The following NPNT variants were observed in gnomAD, a reference collection of about 807,000 sequenced individuals.
NPNT encodes the protein preosteoblast EGF-like repeat protein with MAM domain.
NPNT carries 45 observed loss-of-function variants against 68.6 expected under a neutral mutation model. That is an observed-to-expected ratio of 0.66 (90% CI 0.52 to 0.84). NPNT has a LOEUF of 0.84. Ranked by LOEUF, NPNT falls within the 40% of genes least tolerant of loss-of-function variation. The pLI is 0.00. For missense variants in NPNT, 672 were observed against 714.8 expected (o/e 0.94, Z 0.68); for synonymous variants, 233 against 253.3 (o/e 0.92, Z 0.76).
Position 105,959,053 on chromosome 4 carries a change from T to C in NPNT, c.1272T>C (p.Phe424=), listed in dbSNP as rs745612647. 21 of 1,612,538 alleles carry C rather than the reference T, an allele frequency of 1.3e-5. No homozygotes were observed. The highest frequency in any genetic ancestry group is 1.8e-5 in the Non-Finnish European group (21 of 1,178,664). Residue 424 remains phenylalanine, a synonymous_variant, in exon 10 of 12, where the codon TTT becomes TTC. Transcript: ENST00000379987. ...DPGVLVHSCN[F]DHGLCGWIRE... ...GTGTTCTGGTACACAGTTGTAATTT[T>C]GACCATGGACTTTGTGGATGGATCA...
At chr4:105,929,205 A>T (rs80132877) in intron 3 of NPNT, among the ~76,000 whole-genome samples, 3,511 of 151,634 alleles carry the variant, frequency 0.023, 127 homozygotes, top group African/African-American at 0.08. Flanking sequence ...TGCAGTGTTT[A>T]GTTTTCTGTT....
At chr4:105,959,368 CA>C (rs1169908543) in intron 10 of NPNT, among the ~76,000 whole-genome samples, 1 of 152,108 alleles carries the variant, frequency 6.6e-6, no homozygotes, top group Non-Finnish European at 1.5e-5. Context: ...TAATTTCTCT[CA>C]AAAAGCTTGA....
rs35898642 is a variant in NPNT at position 105,960,761 on chromosome 4, C to CGTGTGTGTGT, written c.1345+1648_1345+1657dup. On this transcript the variant is annotated intron_variant, in intron 10 of 11. Transcript: ENST00000379987. Reference sequence around the variant, plus strand: ...AATAAGAGAGAAACCAACATATCTACGTGTGTGTGTGTGTGTGTGTGTATA... The same window carrying CGTGTGTGTGT: ...AATAAGAGAGAAACCAACATATCTACGTGTGTGTGTGTGTGTGTGTGTGTGTGTGTGTATA... 2.6e-3 allele frequency among the ~76,000 whole-genome samples: 393 copies of CGTGTGTGTGT among 149,204 alleles called. 1 individual carries two copies. The highest frequency in any genetic ancestry group is 9.1e-3 in the African/African-American group (371 of 40,804).
intron 3 of NPNT, among the ~76,000 whole-genome samples, chr4:105,935,693 C>A (rs909143076): frequency 6.6e-6 from 1 of 152,098 alleles, no homozygotes; most frequent in African/African-American, 2.4e-5. Context: ...TTTAACCTTT[C>A]CGGGATTTGC....
At chr4:105,938,100 A>G (rs1198703110) in intron 4 of NPNT, among the ~76,000 whole-genome samples, 1 of 152,142 alleles carries the variant, frequency 6.6e-6, no homozygotes, top group Admixed American at 6.6e-5. Flanking sequence ...CAGATAATCT[A>G]TATATGATAG....
chr4:105,896,362 G>A (rs991979316), intron 1 of NPNT, among the ~76,000 whole-genome samples: 9 of 152,120 alleles, frequency 5.9e-5, no homozygotes, highest in Non-Finnish European at 1.2e-4. Flanking sequence ...TCAGACTCGG[G>A]CGAGCCTGAC....
At chr4:105,953,749 T>C (rs1397424569) in intron 8 of NPNT, among the ~76,000 whole-genome samples, 2 of 152,236 alleles carry the variant, frequency 1.3e-5, no homozygotes, top group Non-Finnish European at 1.5e-5. Flanking sequence ...TGTACCATTC[T>C]CTTCAATGAA....
chr4:105,954,940 T>C (rs1401785173), intron 8 of NPNT, among the ~76,000 whole-genome samples: 1 of 152,154 alleles, frequency 6.6e-6, no homozygotes, highest in Non-Finnish European at 1.5e-5. Flanking sequence ...AAGGCAAGAG[T>C]ATGCCCAATG....
chr4:105,954,114 A>G (rs1488691933), intron 8 of NPNT, among the ~76,000 whole-genome samples: 1 of 152,222 alleles, frequency 6.6e-6, no homozygotes, highest in African/African-American at 2.4e-5. Context: ...TTTAGTAGAA[A>G]GTGCCTGGCC....
chr4:105,937,089 C>G lies in NPNT; in HGVS notation c.346C>G (p.Leu116Val), dbSNP rs748380672. ...NTYGSYKCYC[L>V]NGYMLMPDGS... ...TTACGGCAGCTACAAGTGCTACTGT[C>G]TCAACGGATATATGCTCATGCCGGA... The change falls in exon 4 of 12, where the codon CTC (leucine) becomes GTC (valine). Residue 116 changes from leucine to valine, a missense_variant. Physicochemically the swap from Leu to Val is conservative, Grantham distance 32. Coordinates refer to ENST00000379987, the MANE Select transcript of NPNT (RefSeq NM_001033047.3). 3 of 1,613,688 alleles carry G rather than the reference C, an allele frequency of 1.9e-6. No homozygotes were observed. In the South Asian group the frequency reaches 3.3e-5, roughly 18 times the overall value.
In NPNT at chr4:105,969,311, T is replaced by C. The variant is rs1000617246; in HGVS notation, c.*321T>C. 1 of 214,334 alleles carries C rather than the reference T, an allele frequency of 4.7e-6. No individual in the cohort carries two copies. Among genetic ancestry groups the C allele is most frequent in the African/African-American group, 2.3e-5 (1 of 44,190 alleles). 13.3% of individuals were successfully genotyped at this position (214,334 alleles called of 1,614,324 possible). ...TCCATCCTGATTACAAGGTGCTCCTTGTAGCAAATTATGAGAGTGAGTTAC... is the reference window on the plus strand; with the variant it reads ...TCCATCCTGATTACAAGGTGCTCCTCGTAGCAAATTATGAGAGTGAGTTAC... On this transcript the variant is annotated 3_prime_UTR_variant, in exon 12 of 12. Transcript: ENST00000379987.
chr4:105,903,711 A>G (rs955548955), intron 2 of NPNT, among the ~76,000 whole-genome samples: 1 of 151,348 alleles, frequency 6.6e-6, no homozygotes, highest in East Asian at 1.9e-4. Flanking sequence ...AGCATACTAT[A>G]TACACTGCTT....
chr4:105,925,644 A>C (rs1024955026), intron 2 of NPNT, among the ~76,000 whole-genome samples: 1 of 152,176 alleles, frequency 6.6e-6, no homozygotes, highest in East Asian at 1.9e-4. Flanking sequence ...AGGAGCTTCA[A>C]AATTCGGGAT....
intron 8 of NPNT, 115 bp downstream of exon 8, chr4:105,942,817 C>T (rs1303578476): frequency 1.7e-5 from 16 of 954,720 alleles, no homozygotes; most frequent in Non-Finnish European, 2.2e-5. Flanking sequence ...TATGTAAAGT[C>T]GTATGTCCCT....
chr4:105,931,578 A>G (rs996692450), intron 3 of NPNT, among the ~76,000 whole-genome samples: 14 of 150,726 alleles, frequency 9.3e-5, no homozygotes, highest in African/African-American at 3.2e-4. Flanking sequence ...TAATCCCAGC[A>G]CTTTGGAAGG....
intron 3 of NPNT, among the ~76,000 whole-genome samples, chr4:105,934,566 G>T (rs7669108): frequency 0.83 from 126,981 of 152,234 alleles, 54,466 homozygotes; most frequent in East Asian, 1. Context: ...CAGTCACTAG[G>T]GATATTAACA....
intron 3 of NPNT, 104 bp from the exon 4 acceptor site, chr4:105,936,905 A>G (rs557029303): frequency 1.8e-6 from 2 of 1,108,114 alleles, no homozygotes; most frequent in East Asian, 5.4e-5. Flanking sequence ...CTGTAGCTTG[A>G]CCTATTTTTC....
Position 105,971,251 on chromosome 4 carries a change from T to G in NPNT, c.*2261T>G. 2.4e-6 allele frequency: 1 copy of G among 421,874 alleles called. No homozygotes were observed. The highest frequency in any genetic ancestry group is 2.0e-5 in the African/African-American group (1 of 48,788). The allele number at this position is 421,874 out of a possible 1,614,324, so 26.1% of individuals were successfully genotyped here. ...AGACCTTTCCTTCACCTCATCAGTATGATTCAGTTTCTCTTATCAATTGGA... is the reference window on the plus strand; with the variant it reads ...AGACCTTTCCTTCACCTCATCAGTAGGATTCAGTTTCTCTTATCAATTGGA... On this transcript the variant is annotated 3_prime_UTR_variant, in exon 12 of 12. Coordinates refer to ENST00000379987, the MANE Select transcript of NPNT (RefSeq NM_001033047.3).
intron 8 of NPNT, among the ~76,000 whole-genome samples, chr4:105,956,618 A>T (rs1279856702): frequency 6.6e-6 from 1 of 152,174 alleles, no homozygotes; most frequent in African/African-American, 2.4e-5. Context: ...TGTTCTATGG[A>T]GTTTTTATAA....
Sources: gnomAD v4.1 joint callset for allele counts (sites outside exome capture counted in the v4.1 genomes callset) on GRCh38, gnomAD v4.1.1 for gene constraint, MANE v1.5 for transcripts, NCBI Gene and HGNC (gene_info 2026-07-23, HGNC 2026-07-21) for gene names.